Variants in LRMDA observed in about 807,000 individuals in gnomAD.
The protein encoded by LRMDA is leucine rich melanocyte differentiation associated.
LRMDA carries 18 observed loss-of-function variants against 29.8 expected under a neutral mutation model. The observed-to-expected ratio is 0.60, with a 90% confidence interval of 0.42 to 0.90. The LOEUF is 0.90. LRMDA is among the 40% of genes least tolerant of loss of function. The probability of loss-of-function intolerance (pLI) is 0.00; values close to 1 mark genes in which losing one functional copy is unlikely to be tolerated. For missense variants in LRMDA, 273 were observed against 273.9 expected, an observed-to-expected ratio of 1.00 and a Z score of 0.02; for synonymous variants, 125 against 109.4, an observed-to-expected ratio of 1.14 and a Z score of -0.89.
chr10:75,881,135 A>G (rs1475697404), intron 2 of LRMDA, among the ~76,000 whole-genome samples: 1 of 152,096 alleles, frequency 6.6e-6, no homozygotes, highest in Admixed American at 6.5e-5. Flanking sequence ...TCCCATAGTC[A>G]TGGAGAGGAA....
chr10:76,364,393 T>G (rs1293548723), intron 6 of LRMDA, among the ~76,000 whole-genome samples: 3 of 152,188 alleles, frequency 2.0e-5, no homozygotes, highest in Non-Finnish European at 4.4e-5. Context: ...ATCTAAAAAC[T>G]ATATGGACGT....
At chr10:75,619,544 TCTATTTTTGGGC>T in intron 2 of LRMDA, among the ~76,000 whole-genome samples, 1 of 152,300 alleles carries the variant, frequency 6.6e-6, no homozygotes, top group South Asian at 2.1e-4. Flanking sequence ...CCCCAAAGGT[TCTATTTTTGGGC>T]TGAGACTGAG....
chr10:76,417,952 T>C (rs1052887322), intron 6 of LRMDA, among the ~76,000 whole-genome samples: 1 of 152,196 alleles, frequency 6.6e-6, no homozygotes, highest in Non-Finnish European at 1.5e-5. Flanking sequence ...AAATCAATTG[T>C]CTTCATATAT....
rs748868653 is a variant in LRMDA at position 75,723,183 on chromosome 10, G to A, written c.131+284689G>A. Reference sequence around the variant, plus strand: ...TGAAGGTTAGATCTTCAGCCTGGAAGTGTGAGCTTGCCATTTGCTTGGGAG... The same window carrying A: ...TGAAGGTTAGATCTTCAGCCTGGAAATGTGAGCTTGCCATTTGCTTGGGAG... On this transcript the variant is annotated intron_variant, in intron 2 of 6. Transcript: ENST00000611255. Among the ~76,000 whole-genome samples, 13 of 152,376 alleles carry A rather than the reference G, an allele frequency of 8.5e-5. No homozygotes were observed. In the South Asian group the frequency reaches 1.4e-3, roughly 17 times the overall value.
chr10:76,450,555 T>A (rs1842395631), intron 6 of LRMDA, among the ~76,000 whole-genome samples: 1 of 152,154 alleles, frequency 6.6e-6, no homozygotes, highest in Non-Finnish European at 1.5e-5. Flanking sequence ...AATTTTCTGT[T>A]CCTTCCTCAG....
intron 6 of LRMDA, among the ~76,000 whole-genome samples, chr10:76,349,345 T>C (rs1364185833): frequency 6.6e-6 from 1 of 152,116 alleles, no homozygotes; most frequent in African/African-American, 2.4e-5. Flanking sequence ...TAAGACTATT[T>C]AGAAAAACAG....
At chr10:75,600,869 A>G (rs1840876712) in intron 2 of LRMDA, among the ~76,000 whole-genome samples, 1 of 152,260 alleles carries the variant, frequency 6.6e-6, no homozygotes, top group African/African-American at 2.4e-5. Context: ...CATGAGAAAT[A>G]GCATTCACTG....
At chr10:75,882,996 C>A (rs1845319821) in intron 2 of LRMDA, among the ~76,000 whole-genome samples, 1 of 152,170 alleles carries the variant, frequency 6.6e-6, no homozygotes, top group Admixed American at 6.5e-5. Flanking sequence ...ATGCTCAAGG[C>A]CAAACAGTCC....
intron 5 of LRMDA, among the ~76,000 whole-genome samples, chr10:76,241,435 A>G (rs1852275921): frequency 6.6e-6 from 1 of 151,994 alleles, no homozygotes; most frequent in Admixed American, 6.5e-5. Flanking sequence ...TGGGAGAATA[A>G]TTTTCTAATT....
chr10:76,265,966 T>C (rs1207773354), intron 5 of LRMDA, among the ~76,000 whole-genome samples: 1 of 152,226 alleles, frequency 6.6e-6, no homozygotes, highest in Non-Finnish European at 1.5e-5. Flanking sequence ...TAAGTGAGAA[T>C]GGATGATTGC....
chr10:76,130,498 AG>A (rs1250341668), intron 5 of LRMDA, among the ~76,000 whole-genome samples: 1 of 152,232 alleles, frequency 6.6e-6, no homozygotes, highest in East Asian at 1.9e-4. Flanking sequence ...TTTAAAAAAA[AG>A]AAAAACTTCT....
intron 6 of LRMDA, among the ~76,000 whole-genome samples, chr10:76,469,324 G>T (rs1842595324): frequency 6.6e-6 from 1 of 152,076 alleles, no homozygotes; most frequent in African/African-American, 2.4e-5. Context: ...TTAAGTTCCT[G>T]GTGAGGTCAG....
chr10:76,375,815 A>G (rs937058811), intron 6 of LRMDA, among the ~76,000 whole-genome samples: 1 of 151,294 alleles, frequency 6.6e-6, no homozygotes, highest in Non-Finnish European at 1.5e-5. Flanking sequence ...AGCATAGTCT[A>G]AAGTTAAATC....
At position 76,350,717 on chromosome 10, in the gene LRMDA, A is replaced by G. The variant is rs1841165633; in HGVS notation, c.601+26232A>G. The stretch of plus-strand genomic sequence containing the variant: ...AAAGTAATTCCATTGCTGTCTTAAT[A>G]TTATCCTAGTCATCTGGGGTTGCAG... On this transcript the variant is annotated intron_variant, in intron 6 of 6. Coordinates refer to ENST00000611255, the MANE Select transcript of LRMDA (RefSeq NM_001305581.2). Among the ~76,000 whole-genome samples, 11 of 152,168 alleles carry G rather than the reference A, an allele frequency of 7.2e-5. No homozygotes were observed. In the South Asian group the frequency reaches 2.1e-3, roughly 29 times the overall value.
intron 6 of LRMDA, among the ~76,000 whole-genome samples, chr10:76,369,906 G>A (rs574726099): frequency 6.6e-6 from 1 of 152,054 alleles, no homozygotes. Flanking sequence ...TCCCATCTAC[G>A]AGATGACAAA....
chr10:76,271,532 A>T (rs910588155), intron 5 of LRMDA, among the ~76,000 whole-genome samples: 1 of 152,148 alleles, frequency 6.6e-6, no homozygotes, highest in African/African-American at 2.4e-5. Context: ...AATGCTCCCT[A>T]TGGCAAATAA....
At chr10:76,222,782 C>T (rs1233615279) in intron 5 of LRMDA, among the ~76,000 whole-genome samples, 1 of 152,102 alleles carries the variant, frequency 6.6e-6, no homozygotes, top group Admixed American at 6.5e-5. Flanking sequence ...ACCCAAAGGA[C>T]TATATATCAT....
chr10:75,650,105 C>T (rs1168159536), intron 2 of LRMDA, among the ~76,000 whole-genome samples: 1 of 152,290 alleles, frequency 6.6e-6, no homozygotes, highest in African/African-American at 2.4e-5. Context: ...CTTTGATGTG[C>T]AAGATTTTAG....
At chr10:75,869,342 C>G (rs1195099433) in intron 2 of LRMDA, among the ~76,000 whole-genome samples, 2 of 152,160 alleles carry the variant, frequency 1.3e-5, no homozygotes, top group East Asian at 1.9e-4. Flanking sequence ...CATGGCCAAC[C>G]CCAGCCTGAT....
Sources: gnomAD v4.1 joint callset for allele counts (sites outside exome capture counted in the v4.1 genomes callset) on GRCh38, gnomAD v4.1.1 for gene constraint, MANE v1.5 for transcripts, NCBI Gene and HGNC (gene_info 2026-07-23, HGNC 2026-07-21) for gene names.